RYR1: variants seen among roughly 807,000 people sequenced by gnomAD.
The protein encoded by RYR1 is central core disease of muscle.
A neutral mutation model predicts 583.5 loss-of-function variants in RYR1; 342 were observed. That is an observed-to-expected ratio of 0.59 (90% CI 0.54 to 0.64). RYR1 has a LOEUF of 0.64. Ranked by LOEUF, RYR1 falls within the 30% of genes least tolerant of loss-of-function variation. RYR1 has a pLI of 0.00. For synonymous variants in RYR1, 2,791 were observed against 2,822.5 expected (o/e 0.99, Z 0.35); for missense variants, 6,032 against 6,917.2 (o/e 0.87, Z 4.54).
intron 1 of RYR1, among the ~76,000 whole-genome samples, chr19:38,434,360 G>C (rs1972331800): frequency 6.6e-6 from 1 of 152,124 alleles, no homozygotes; most frequent in Non-Finnish European, 1.5e-5. Flanking sequence ...GGGTCTTGTG[G>C]GGGAGGGATC....
At chr19:38,439,803 G>A (rs552855544) in intron 1 of RYR1, among the ~76,000 whole-genome samples, 38 of 152,290 alleles carry the variant, frequency 2.5e-4, no homozygotes, top group Admixed American at 4.6e-4. Flanking sequence ...TACTGCGCCC[G>A]GACTCAATAC....
intron 19 of RYR1, 148 bp from the exon 20 acceptor site, chr19:38,460,227 T>C: frequency 1.4e-6 from 1 of 733,324 alleles, no homozygotes; most frequent in Admixed American, 2.1e-5. Flanking sequence ...GACTTCTAAA[T>C]GACCTCCAGG....
chr19:38,482,940 A>T (rs546654813), intron 31 of RYR1, 87 bp from the exon 32 acceptor site: 14 of 1,177,336 alleles, frequency 1.2e-5, no homozygotes, highest in Non-Finnish European at 1.8e-5. Context: ...ATGAGGACCT[A>T]CAAATTGGCC....
intron 37 of RYR1, among the ~76,000 whole-genome samples, chr19:38,491,224 T>C (rs1160995798): frequency 6.6e-6 from 1 of 152,224 alleles, no homozygotes; most frequent in African/African-American, 2.4e-5. Flanking sequence ...GTATGACGTG[T>C]CTAGGTGTAG....
At chr19:38,502,835 G>A (rs756177731) in intron 48 of RYR1, 45 bp from the exon 49 acceptor site, 78 of 1,565,648 alleles carry the variant, frequency 5.0e-5, no homozygotes, top group Non-Finnish European at 6.6e-5. Flanking sequence ...GGGCAGCAGA[G>A]CGGGCCTGGA....
rs1972291986 is a variant in RYR1 at position 38,543,500 on chromosome 19, GCACCCCCT to G, written c.11779-28_11779-21del. Reference sequence around the variant, plus strand: ...GGCTGCAGGGCCATGGTCGGCCCCAGCACCCCCTCACACCCTACCCGCCCCCACCAGGA... The same window carrying G: ...GGCTGCAGGGCCATGGTCGGCCCCAGCACACCCTACCCGCCCCCACCAGGA... On this transcript the variant is annotated intron_variant, in intron 85 of 105. Coordinates refer to ENST00000359596, the MANE Select transcript of RYR1 (RefSeq NM_000540.3). This position sits in a 1 kb window ranked among gnomAD's most constrained non-coding sequence, Gnocchi z 4.4. 1 of 1,614,114 alleles carries G rather than the reference GCACCCCCT, an allele frequency of 6.2e-7. No individual in the cohort carries two copies.
In RYR1 at chr19:38,458,064, A is replaced by G. The variant is rs1967512322; in HGVS notation, c.1939A>G (p.Ile647Val). ...INYVTSIRPN[I>V]FVGRAEGTTQ... The stretch of plus-strand genomic sequence containing the variant: ...TCTCTCCTGCAGCATCCGCCCCAAC[A>G]TCTTTGTGGGCCGAGCGGAAGGCAC... The change falls in exon 18 of 106, where the codon ATC becomes GTC. Residue 647 changes from isoleucine (I) to valine (V), a missense_variant. Around this residue, in one of 11 missense-constraint regions of RYR1, gnomAD observed 2,627 missense variants for 2,961.3 expected, o/e 0.89. Transcript: ENST00000359596. The G allele has an allele frequency of 1.9e-6, 3 of 1,613,324 alleles. No individual in the cohort carries two copies. The highest frequency in any genetic ancestry group is 2.5e-6 in the Non-Finnish European group (3 of 1,179,966).
chr19:38,578,303 G>A, intron 99 of RYR1, 99 bp downstream of exon 99: 1 of 1,221,258 alleles, frequency 8.2e-7, no homozygotes, highest in Admixed American at 2.0e-5. Flanking sequence ...TGACTCCTGG[G>A]ACCCTGAGTG....
At chr19:38,477,590 A>T (rs888462528) in intron 29 of RYR1, 120 bp from the exon 30 acceptor site, 1 of 1,283,858 alleles carries the variant, frequency 7.8e-7, no homozygotes, top group Non-Finnish European at 1.1e-6. Flanking sequence ...ACTCAGATCC[A>T]ACAACTTCCT....
At chr19:38,513,070 G>C (rs531745999) in intron 63 of RYR1, among the ~76,000 whole-genome samples, 2 of 151,832 alleles carry the variant, frequency 1.3e-5, no homozygotes, top group Admixed American at 1.3e-4. Flanking sequence ...GAGCGCAGTG[G>C]CTCACGCCTG....
Position 38,485,828 on chromosome 19 carries a change from AGCC to A in RYR1, c.5179_5181del (p.Arg1727del). 6.2e-7 allele frequency: 1 copy of A among 1,613,424 alleles called. No individual in the cohort carries two copies. Among genetic ancestry groups the A allele is most frequent in the Non-Finnish European group, 8.5e-7 (1 of 1,179,870 alleles). On this transcript the variant is annotated inframe_deletion, in exon 34 of 106. Coordinates refer to ENST00000359596, the MANE Select transcript of RYR1 (RefSeq NM_000540.3). The stretch of plus-strand genomic sequence containing the variant: ...CATCCACCTCGAAAGTGCCTGCCGC[AGCC>A]GCCGCTCCATGCTCTCTGAATACAT...
At chr19:38,502,764 GGGGCAGGGGCA>G (rs756852653) in intron 48 of RYR1, 37 bp downstream of exon 48, 58 of 773,568 alleles carry the variant, frequency 7.5e-5, no homozygotes, top group Non-Finnish European at 1.1e-4. Flanking sequence ...GGCAGGGGCA[GGGGCAGGGGCA>G]GGGGCAGGGG....
Position 38,580,336 on chromosome 19 carries a change from G to A in RYR1, c.14512-34G>A, listed in dbSNP as rs979211207. ...GCAGGGTGGGGGGAGGGCAAGCCCA[G>A]GGCGGAGCTGACCTGGCCCCATCCT... On this transcript the variant is annotated intron_variant, in intron 100 of 105. Transcript: ENST00000359596. 3.1e-6 allele frequency: 5 copies of A among 1,612,742 alleles called. No homozygotes were observed. The East Asian group carries it at 8.9e-5, about 29-fold the overall frequency.
intron 18 of RYR1, among the ~76,000 whole-genome samples, chr19:38,458,921 C>T (rs1967578377): frequency 6.6e-6 from 1 of 152,186 alleles, no homozygotes; most frequent in African/African-American, 2.4e-5. Flanking sequence ...ATCCGGCCCC[C>T]AGGAGGATTT....
At chr19:38,509,134 C>T (rs564672075) in intron 58 of RYR1, among the ~76,000 whole-genome samples, 6 of 152,090 alleles carry the variant, frequency 3.9e-5, no homozygotes, top group Non-Finnish European at 7.3e-5. Context: ...TTCGCTGTCA[C>T]GTCTCACCTC....
chr19:38,566,813 C>T lies in RYR1; in HGVS notation c.13438-98C>T, dbSNP rs189264882. 20 of 1,547,652 alleles carry T rather than the reference C, an allele frequency of 1.3e-5. No individual in the cohort carries two copies. The East Asian group carries it at 4.9e-4, about 38-fold the overall frequency. On this transcript the variant is annotated intron_variant, in intron 91 of 105. Transcript: ENST00000359596. ...AGGGAAGTGTAAAACTTAGATTACC[C>T]AGGGGAAATAAGAGAGAAAGGAGAT...
chr19:38,532,937 G>A (rs924173844), intron 78 of RYR1, among the ~76,000 whole-genome samples: 18 of 152,186 alleles, frequency 1.2e-4, no homozygotes, highest in Non-Finnish European at 2.1e-4. Flanking sequence ...TCAGGCAGAG[G>A]GGTCAGGGCT....
chr19:38,564,786 G>T (rs1973310904), intron 90 of RYR1, among the ~76,000 whole-genome samples, 173 bp from the exon 91 acceptor site: 1 of 152,212 alleles, frequency 6.6e-6, no homozygotes, highest in Non-Finnish European at 1.5e-5. Flanking sequence ...AAAGTGCTAT[G>T]ATTACAGGCG....
intron 89 of RYR1, among the ~76,000 whole-genome samples, chr19:38,554,534 A>G (rs1972801118): frequency 1.3e-5 from 2 of 151,688 alleles, no homozygotes; most frequent in African/African-American, 4.8e-5. Flanking sequence ...TTTACAAATC[A>G]CATCTTCATT....
Sources: allele counts gnomAD v4.1 joint callset (sites outside exome capture counted in the v4.1 genomes callset), GRCh38; gene constraint gnomAD v4.1.1; regional missense constraint gnomAD v4.1.1; non-coding constraint Gnocchi (gnomAD v3.1); transcripts MANE v1.5; gene names NCBI Gene and HGNC (gene_info 2026-07-23, HGNC 2026-07-21).